Variants in PPP2R5B observed in about 807,000 individuals in gnomAD.
The protein encoded by PPP2R5B is serine/threonine-protein phosphatase 2A 56 kDa regulatory subunit beta isoform.
Under a neutral mutation model 59.9 loss-of-function variants are expected in PPP2R5B, and 19 were observed. The ratio of observed to expected loss-of-function variants is 0.32; its 90% CI spans 0.22 to 0.47. The LOEUF is 0.47. Ranked by LOEUF, PPP2R5B falls within the 20% of genes least tolerant of loss-of-function variation. The pLI is 1.00. For missense variants in PPP2R5B, 441 were observed against 640.2 expected, an observed-to-expected ratio of 0.69 and a Z score of 3.36; for synonymous variants, 286 against 260.5, an observed-to-expected ratio of 1.10 and a Z score of -0.94.
chr11:64,928,196 C>A, intron 5 of PPP2R5B, 38 bp downstream of exon 5: 1 of 1,613,500 alleles, frequency 6.2e-7, no homozygotes, highest in Non-Finnish European at 8.5e-7. Context: ...TACCACAAGG[C>A]AGGGGCAGGC....
In PPP2R5B at chr11:64,931,619, A is replaced by C; in HGVS notation, c.996+10A>C. ...CTGCACCCAGAAGGAGGTATGAAGA[A>C]GGGCTTTGATGCCCGCCAGAGGGAG... On this transcript the variant is annotated intron_variant, in intron 10 of 13. Coordinates refer to ENST00000164133, the MANE Select transcript of PPP2R5B (RefSeq NM_006244.4). The surrounding 1 kb of genome is among the most constrained non-coding windows in gnomAD (Gnocchi z 5.0). The C allele has an allele frequency of 6.2e-7, 1 of 1,613,848 alleles. No homozygotes were observed. Among genetic ancestry groups the C allele is most frequent in the Non-Finnish European group, 8.5e-7 (1 of 1,179,974 alleles).
chr11:64,919,985 C>G (rs1212213102), upstream of PPP2R5B, among the ~76,000 whole-genome samples: 1 of 151,960 alleles, frequency 6.6e-6, no homozygotes, highest in Non-Finnish European at 1.5e-5. Context: ...GTGGCTTACA[C>G]GTGTAATCCC....
At position 64,933,874 on chromosome 11, in the gene PPP2R5B, C is replaced by A. The variant is rs1460531533; in HGVS notation, c.*30C>A. The A allele has an allele frequency of 6.7e-7, 1 of 1,490,320 alleles. No homozygotes were observed. The highest frequency in any genetic ancestry group is 2.5e-5 in the Admixed American group (1 of 40,432). 92.3% of individuals were successfully genotyped at this position (1,490,320 alleles called of 1,614,324 possible). A position where few individuals can be genotyped will look rare whatever the true frequency, so the allele number is the denominator to read the frequency against. On this transcript the variant is annotated 3_prime_UTR_variant, in exon 14 of 14. Coordinates refer to ENST00000164133, the MANE Select transcript of PPP2R5B (RefSeq NM_006244.4). ...CACCTCAGAAGGGGAAAAGCTAAAC[C>A]CAGAGCTGTCAGTCCCTCTATCCCT...
chr11:64,927,000 C>T (rs920376022), intron 3 of PPP2R5B, 92 bp downstream of exon 3: 3 of 1,426,422 alleles, frequency 2.1e-6, no homozygotes, highest in Non-Finnish European at 2.8e-6. Flanking sequence ...GAGAATAACC[C>T]TGTACTCATC....
At chr11:64,923,449 G>A (rs1565096582), upstream of PPP2R5B, among the ~76,000 whole-genome samples, 1 of 152,248 alleles carries the variant, frequency 6.6e-6, no homozygotes, top group East Asian at 1.9e-4. Context: ...CCAAGGGCCG[G>A]ATGGGCAAGG....
chr11:64,930,505 C>G lies in PPP2R5B; in HGVS notation c.807C>G (p.Pro269=), dbSNP rs759909730. 1 of 1,614,140 alleles carries G rather than the reference C, an allele frequency of 6.2e-7. No homozygotes were observed. The highest frequency in any genetic ancestry group is 1.1e-5 in the South Asian group (1 of 91,086). ...LGSIINGFAL[P]LKTEHKQFLV... Reference sequence around the variant, plus strand: ...GCATCATCAATGGCTTTGCGCTGCCCCTGAAGACGGAGCACAAGCAGTTCC... The same window carrying G: ...GCATCATCAATGGCTTTGCGCTGCCGCTGAAGACGGAGCACAAGCAGTTCC... The change falls in exon 8 of 14, where the codon CCC becomes CCG. Residue 269 remains proline, a synonymous_variant. Transcript: ENST00000164133.
upstream of PPP2R5B, among the ~76,000 whole-genome samples, chr11:64,922,151 G>A (rs555537926): frequency 6.6e-5 from 10 of 151,742 alleles, no homozygotes; most frequent in African/African-American, 2.2e-4. Flanking sequence ...GGCAGAGGTT[G>A]CAGTGAGCCA....
rs1945257805 is a variant in PPP2R5B, at chr11:64,933,906, G to A, written c.*62G>A. 1 of 1,431,040 alleles carries A rather than the reference G, an allele frequency of 7.0e-7. No individual in the cohort carries two copies. Among genetic ancestry groups the A allele is most frequent in the Non-Finnish European group, 9.2e-7 (1 of 1,086,684 alleles). 88.6% of individuals were successfully genotyped at this position (1,431,040 alleles called of 1,614,324 possible). On this transcript the variant is annotated 3_prime_UTR_variant, in exon 14 of 14. Coordinates refer to ENST00000164133, the MANE Select transcript of PPP2R5B (RefSeq NM_006244.4). Reference sequence around the variant, plus strand: ...TGTCAGTCCCTCTATCCCTTCTCCTGTCCAGGGGCCCAGAGAGAAACACAC... The same window carrying A: ...TGTCAGTCCCTCTATCCCTTCTCCTATCCAGGGGCCCAGAGAGAAACACAC...
At chr11:64,923,928 G>A (rs569756298), upstream of PPP2R5B, among the ~76,000 whole-genome samples, 1 of 152,294 alleles carries the variant, frequency 6.6e-6, no homozygotes, top group South Asian at 2.1e-4. Flanking sequence ...ACTCCCACCT[G>A]TGCCTTGCAT....
In PPP2R5B at chr11:64,931,738, A is replaced by C. The variant is rs748866182; in HGVS notation, c.997-11A>C. 6.2e-7 allele frequency: 1 copy of C among 1,614,054 alleles called. No homozygotes were observed. Among genetic ancestry groups the C allele is most frequent in the Admixed American group, 1.7e-5 (1 of 60,016 alleles). On this transcript the variant is annotated splice_polypyrimidine_tract_variant and intron_variant, in intron 10 of 13. Coordinates refer to ENST00000164133, the MANE Select transcript of PPP2R5B (RefSeq NM_006244.4). The surrounding 1 kb of genome is among the most constrained non-coding windows in gnomAD (Gnocchi z 5.0). ...CCCCTCTGTCCCTACTCCCCTCCCC[A>C]ACCCACCCAGGTGATGTTTCTGGGG...
chr11:64,927,046 C>T (rs1330270000), intron 3 of PPP2R5B, 138 bp downstream of exon 3: 14 of 1,006,964 alleles, frequency 1.4e-5, no homozygotes, highest in Non-Finnish European at 2.0e-5. Flanking sequence ...TTCCCCCCGA[C>T]CTGCTGCTGC....
chr11:64,933,659 G>C, intron 13 of PPP2R5B, 38 bp from the exon 14 acceptor site: 1 of 1,533,858 alleles, frequency 6.5e-7, no homozygotes, highest in Admixed American at 2.1e-5. Context: ...ACTGTGGGGG[G>C]CCCCAGGAAA....
rs896051868 is a variant in PPP2R5B at position 64,926,654 on chromosome 11, A to ACAGCTGGGG, written c.200-48_200-40dup. ...GAGATTAGGAGGGTCTGCCCCACCC[A>ACAGCTGGGG]CAGCTGGGGCAGCTGGGGGAGCTGG... On this transcript the variant is annotated intron_variant, in intron 2 of 13. Transcript: ENST00000164133. 74 of 1,576,328 alleles carry ACAGCTGGGG rather than the reference A, an allele frequency of 4.7e-5. No individual in the cohort carries two copies. The Middle Eastern group carries it at 5.4e-4, about 11-fold the overall frequency.
At chr11:64,918,645 A>T (rs985309416) in intron 1 of PPP2R5B, among the ~76,000 whole-genome samples, 1 of 148,152 alleles carries the variant, frequency 6.7e-6, no homozygotes, top group African/African-American at 2.5e-5. Context: ...TTTCTATTTT[A>T]TTTATTTTTT....
rs371979402 is a variant in PPP2R5B, at chr11:64,925,963, C to T, written c.199+30C>T. On this transcript the variant is annotated intron_variant, in intron 2 of 13. Transcript: ENST00000164133. The surrounding 1 kb of genome is among the most constrained non-coding windows in gnomAD (Gnocchi z 4.6). ...GCTGGCTGCTGGCCACTGGGGGAAC[C>T]GAACCCCCGAGGGGACCAGCAGGGC... is the stretch of plus-strand genomic sequence containing the variant. 26 of 1,595,832 alleles carry T rather than the reference C, an allele frequency of 1.6e-5. No individual in the cohort carries two copies. The highest frequency in any genetic ancestry group is 5.6e-5 in the South Asian group (5 of 89,212).
Position 64,931,346 on chromosome 11 carries a change from G to A in PPP2R5B, c.892-90G>A. ...GAAAGTAACAGGCCGTGGGTGAGCA[G>A]TATTTGGCATTCTGTCCTGGACAGC... On this transcript the variant is annotated intron_variant, in intron 8 of 13. Transcript: ENST00000164133. The surrounding 1 kb of genome is among the most constrained non-coding windows in gnomAD (Gnocchi z 5.0). The A allele has an allele frequency of 2.1e-6, 3 of 1,405,094 alleles. No individual in the cohort carries two copies. The highest frequency in any genetic ancestry group is 3.0e-6 in the Non-Finnish European group (3 of 1,003,748). 87.0% of individuals were successfully genotyped at this position (1,405,094 alleles called of 1,614,324 possible).
intron 12 of PPP2R5B, 121 bp downstream of exon 12, chr11:64,933,013 G>C (rs1428096921): frequency 6.6e-7 from 1 of 1,526,390 alleles, no homozygotes; most frequent in Admixed American, 1.7e-5. Context: ...GATGGCCCAG[G>C]GGTGGTGAAA....
chr11:64,931,438 G>T lies in PPP2R5B; in HGVS notation c.894G>T (p.Leu298=), dbSNP rs777583232. ...VKSLSVFHAQ[L]AYCVVQFLEK... ...CCTCCACCTGTCACCCCCTGCAGCT[G>T]GCATACTGTGTGGTGCAGTTCCTGG... Residue 298 remains leucine (L), a splice_region_variant and synonymous_variant, in exon 9 of 14, where the codon CTG becomes CTT. Transcript: ENST00000164133. The surrounding 1 kb of genome is among the most constrained non-coding windows in gnomAD (Gnocchi z 5.0). 1 of 1,614,126 alleles carries T rather than the reference G, an allele frequency of 6.2e-7. No homozygotes were observed. The highest frequency in any genetic ancestry group is 1.3e-5 in the African/African-American group (1 of 75,056).
At chr11:64,920,461 A>G (rs1023371250), upstream of PPP2R5B, among the ~76,000 whole-genome samples, 4 of 152,064 alleles carry the variant, frequency 2.6e-5, no homozygotes, top group Admixed American at 2.0e-4. Flanking sequence ...TAGAAAACCA[A>G]CTCCAGAGAC....
Sources: allele counts gnomAD v4.1 joint callset (sites outside exome capture counted in the v4.1 genomes callset), GRCh38; gene constraint gnomAD v4.1.1; non-coding constraint Gnocchi (gnomAD v3.1); transcripts MANE v1.5; gene names NCBI Gene and HGNC (gene_info 2026-07-23, HGNC 2026-07-21).